Variants in ZFYVE9 observed in about 807,000 individuals in gnomAD.
ZFYVE9 encodes zinc finger FYVE-type containing 9, also known as zinc finger FYVE domain-containing protein 9.
In ZFYVE9, 43 loss-of-function variants were observed where a neutral mutation model predicts 126.7. The ratio of observed to expected loss-of-function variants is 0.34; its 90% CI spans 0.27 to 0.44. The LOEUF is 0.44. Among genes scored for constraint, ZFYVE9 ranks in the 20% least tolerant of loss-of-function variants. ZFYVE9 has a pLI of 1.00. For synonymous variants in ZFYVE9, 521 were observed against 597.4 expected (o/e 0.87, Z 1.87); for missense variants, 1,476 against 1,697.0 (o/e 0.87, Z 2.29).
intron 1 of ZFYVE9, among the ~76,000 whole-genome samples, chr1:52,177,696 T>C (rs1557439749): frequency 6.6e-6 from 1 of 152,174 alleles, no homozygotes; most frequent in Non-Finnish European, 1.5e-5. Context: ...CACTTTTGTT[T>C]AGTATTGAAA....
intron 10 of ZFYVE9, among the ~76,000 whole-genome samples, chr1:52,292,305 G>T (rs1250249786): frequency 6.7e-6 from 1 of 148,272 alleles, no homozygotes; most frequent in East Asian, 2.0e-4. Context: ...AAAACAAAAC[G>T]AGAAAAAAAC....
At chr1:52,300,292 A>T (rs754936155) in intron 12 of ZFYVE9, among the ~76,000 whole-genome samples, 1 of 152,000 alleles carries the variant, frequency 6.6e-6, no homozygotes, top group Non-Finnish European at 1.5e-5. Flanking sequence ...AGAGAGAACA[A>T]TAAGAAAAAA....
At chr1:52,179,316 A>G (rs1488755769) in intron 1 of ZFYVE9, among the ~76,000 whole-genome samples, 2 of 152,210 alleles carry the variant, frequency 1.3e-5, no homozygotes, top group Non-Finnish European at 2.9e-5. Context: ...AGAGGTCATG[A>G]GAGAGAACAT....
intron 2 of ZFYVE9, among the ~76,000 whole-genome samples, chr1:52,224,438 T>A (rs927120185): frequency 4.6e-5 from 7 of 152,158 alleles, no homozygotes; most frequent in South Asian, 2.1e-4. Context: ...TTGGGAGGTA[T>A]TGAATTTGGC....
At chr1:52,210,779 C>T (rs1220654603) in intron 1 of ZFYVE9, among the ~76,000 whole-genome samples, 18 of 152,076 alleles carry the variant, frequency 1.2e-4, no homozygotes, top group Admixed American at 6.5e-4. Context: ...CTCAGCCTCC[C>T]GAGTAGCTGG....
At chr1:52,181,038 G>T (rs1349551655) in intron 1 of ZFYVE9, among the ~76,000 whole-genome samples, 1 of 148,860 alleles carries the variant, frequency 6.7e-6, no homozygotes, top group African/African-American at 2.5e-5. Flanking sequence ...AAATATTTTG[G>T]AACTCGTCCC....
Position 52,142,764 on chromosome 1 carries a change from G to A in ZFYVE9, c.-143+361G>A, listed in dbSNP as rs991525698. Among the ~76,000 whole-genome samples, 2 of 152,160 alleles carry A rather than the reference G, an allele frequency of 1.3e-5. No homozygotes were observed. Among genetic ancestry groups the A allele is most frequent in the African/African-American group, 4.8e-5 (2 of 41,452 alleles). ...TACATCCCGGAGGGAGGCAGATGAC[G>A]CCTGTTTGCAAACAAGCTTTGGCTT... On this transcript the variant is annotated intron_variant, in intron 1 of 18. Transcript: ENST00000287727. This position sits in a 1 kb window ranked among gnomAD's most constrained non-coding sequence, Gnocchi z 4.5.
At chr1:52,289,159 A>G (rs1023071153) in intron 10 of ZFYVE9, among the ~76,000 whole-genome samples, 9 of 152,160 alleles carry the variant, frequency 5.9e-5, no homozygotes, top group African/African-American at 2.2e-4. Flanking sequence ...AAGATGGAAA[A>G]TTGTAAATTA....
chr1:52,208,403 G>C (rs988506070), intron 1 of ZFYVE9, among the ~76,000 whole-genome samples: 2 of 151,970 alleles, frequency 1.3e-5, no homozygotes, highest in Non-Finnish European at 2.9e-5. Flanking sequence ...TTTCTTTAAA[G>C]GTAAAATATC....
At chr1:52,181,982 C>T (rs375377086) in intron 1 of ZFYVE9, among the ~76,000 whole-genome samples, 3,034 of 151,812 alleles carry the variant, frequency 0.02, 65 homozygotes, top group Middle Eastern at 0.1. Context: ...CCAGCCGCCC[C>T]GTCCCGGAGG....
At chr1:52,168,583 T>C (rs1572069536) in intron 1 of ZFYVE9, among the ~76,000 whole-genome samples, 1 of 151,782 alleles carries the variant, frequency 6.6e-6, no homozygotes, top group East Asian at 1.9e-4. Context: ...GGTGGCTTGA[T>C]TGTGGCTCAC....
rs753003303 is a variant in ZFYVE9, at chr1:52,332,776, A to G, written c.3447A>G (p.Lys1149=). The change falls in exon 14 of 19, where the codon AAA becomes AAG. Residue 1149 remains lysine, a synonymous_variant. Transcript: ENST00000287727. The part of the protein sequence containing the change: ...IPSNRYNEMM[K]AMNKSNEHVL... ...TATCTCTTTGATTGCAGATGATGAA[A>G]GCCATGAACAAGTCCAATGAGCATG... 3.1e-6 allele frequency: 5 copies of G among 1,613,172 alleles called. No homozygotes were observed. The African/African-American group carries it at 5.3e-5, about 17-fold the overall frequency.
In ZFYVE9 at chr1:52,294,437, C is replaced by A. The variant is rs558290662; in HGVS notation, c.3250+760C>A. On this transcript the variant is annotated intron_variant, in intron 11 of 18. Coordinates refer to ENST00000287727, the MANE Select transcript of ZFYVE9 (RefSeq NM_004799.4). The stretch of plus-strand genomic sequence containing the variant: ...ACCATAAAACAGTTTATGTTCTCAG[C>A]AAGTCAACTTCATTCTTCCACCAAT... 3.9e-5 allele frequency among the ~76,000 whole-genome samples: 6 copies of A among 152,298 alleles called. No individual in the cohort carries two copies. In the East Asian group the frequency reaches 1.2e-3, roughly 29 times the overall value.
intron 4 of ZFYVE9, among the ~76,000 whole-genome samples, chr1:52,246,078 C>T (rs1438561516): frequency 1.3e-5 from 2 of 152,116 alleles, no homozygotes; most frequent in Non-Finnish European, 2.9e-5. Context: ...CAGGCACACA[C>T]CACCACACCC....
chr1:52,292,991 C>T (rs1219492777), intron 10 of ZFYVE9, among the ~76,000 whole-genome samples: 2 of 152,038 alleles, frequency 1.3e-5, no homozygotes, highest in Admixed American at 1.3e-4. Context: ...ATTTAAAAAT[C>T]AGCTTTTTAA....
intron 1 of ZFYVE9, among the ~76,000 whole-genome samples, chr1:52,207,352 T>G (rs1285156235): frequency 6.6e-6 from 1 of 152,220 alleles, no homozygotes; most frequent in Non-Finnish European, 1.5e-5. Context: ...TTTGTTAAAC[T>G]ACTCTGCTTT....
At chr1:52,145,759 AT>A (rs34503504) in intron 1 of ZFYVE9, among the ~76,000 whole-genome samples, 6 of 151,912 alleles carry the variant, frequency 3.9e-5, no homozygotes, top group African/African-American at 1.4e-4. Context: ...TGGTTGCTTT[AT>A]TTTTTTTAGA....
intron 1 of ZFYVE9, among the ~76,000 whole-genome samples, chr1:52,173,353 C>A (rs1156999710): frequency 6.6e-6 from 1 of 152,104 alleles, no homozygotes. Context: ...GGATGAAGCC[C>A]ACTTGATCAT....
chr1:52,312,640 C>T (rs377647809), intron 13 of ZFYVE9, among the ~76,000 whole-genome samples: 1 of 152,190 alleles, frequency 6.6e-6, no homozygotes, highest in South Asian at 2.1e-4. Context: ...ACCAATATCT[C>T]TTGGAAAAAC....
Sources: gnomAD v4.1 joint callset for allele counts (sites outside exome capture counted in the v4.1 genomes callset) on GRCh38, gnomAD v4.1.1 for gene constraint, Gnocchi (gnomAD v3.1) non-coding constraint, MANE v1.5 for transcripts, NCBI Gene and HGNC (gene_info 2026-07-23, HGNC 2026-07-21) for gene names.